The following CAPN7 variants were observed in gnomAD, a reference collection of about 807,000 sequenced individuals.
CAPN7 encodes calpain-7.
In CAPN7, 72 loss-of-function variants were observed where a neutral mutation model predicts 115.2. The observed-to-expected ratio is 0.63, with a 90% CI of 0.52 to 0.76. CAPN7 has a LOEUF of 0.76. Among genes scored for constraint, CAPN7 ranks in the 30% least tolerant of loss-of-function variants. CAPN7 has a pLI of 0.00. For missense variants in CAPN7, 905 were observed against 971.5 expected, an observed-to-expected ratio of 0.93 and a Z score of 0.91; for synonymous variants, 344 against 322.3, an observed-to-expected ratio of 1.07 and a Z score of -0.72.
intron 16 of CAPN7, among the ~76,000 whole-genome samples, chr3:15,244,263 T>C (rs1047303567): frequency 6.6e-6 from 1 of 152,212 alleles, no homozygotes; most frequent in African/African-American, 2.4e-5. Flanking sequence ...CGTTCTGGAA[T>C]GGGCATGGCA....
chr3:15,212,688 CAG>C (rs1477105895), intron 2 of CAPN7, among the ~76,000 whole-genome samples: 1 of 152,126 alleles, frequency 6.6e-6, no homozygotes, highest in East Asian at 1.9e-4. Context: ...GACATGTAAA[CAG>C]AGACTTGGAA....
At chr3:15,249,020 A>C (rs958183490) in intron 19 of CAPN7, among the ~76,000 whole-genome samples, 1 of 148,190 alleles carries the variant, frequency 6.7e-6, no homozygotes, top group Non-Finnish European at 1.5e-5. Context: ...AAAAAAAAAA[A>C]AAAACAAAAA....
chr3:15,212,562 G>C (rs2045017779), intron 2 of CAPN7, among the ~76,000 whole-genome samples: 2 of 152,170 alleles, frequency 1.3e-5, no homozygotes, highest in Admixed American at 1.3e-4. Context: ...AAAATTAAGT[G>C]ACTGTTCCTC....
intron 2 of CAPN7, among the ~76,000 whole-genome samples, chr3:15,214,270 T>C (rs1298563919): frequency 3.3e-5 from 5 of 152,194 alleles, no homozygotes; most frequent in African/African-American, 9.7e-5. Flanking sequence ...CTAGACAATT[T>C]AAAGGATTTT....
intron 2 of CAPN7, among the ~76,000 whole-genome samples, chr3:15,214,871 T>A: frequency 6.6e-6 from 1 of 152,166 alleles, no homozygotes; most frequent in South Asian, 2.1e-4. Context: ...CCAGGGGACA[T>A]TTGGCAATTT....
At chr3:15,233,372 A>G (rs770588663) in intron 10 of CAPN7, among the ~76,000 whole-genome samples, 1 of 152,198 alleles carries the variant, frequency 6.6e-6, no homozygotes, top group Non-Finnish European at 1.5e-5. Context: ...CAAAGAATAT[A>G]TAGGTCATAA....
At chr3:15,247,942 A>G (rs1015129359) in intron 19 of CAPN7, among the ~76,000 whole-genome samples, 1 of 151,796 alleles carries the variant, frequency 6.6e-6, no homozygotes, top group Non-Finnish European at 1.5e-5. Context: ...ACCAAACACC[A>G]CATATTCTCA....
At chr3:15,239,604 C>G (rs540098098) in intron 12 of CAPN7, among the ~76,000 whole-genome samples, 17 of 152,286 alleles carry the variant, frequency 1.1e-4, no homozygotes, top group African/African-American at 3.6e-4. Context: ...TAATGTAATA[C>G]AGATTGCTAG....
At chr3:15,246,654 T>A in intron 17 of CAPN7, 78 bp from the exon 18 acceptor site, 1 of 1,037,264 alleles carries the variant, frequency 9.6e-7, no homozygotes, top group East Asian at 2.4e-5. Flanking sequence ...ATTTTTTTAG[T>A]CTTCCAATAT....
At chr3:15,209,793 A>T (rs979059409) in intron 1 of CAPN7, among the ~76,000 whole-genome samples, 15 of 152,236 alleles carry the variant, frequency 9.9e-5, no homozygotes, top group African/African-American at 3.4e-4. Context: ...TGTTTCCTAT[A>T]GACTTACATA....
chr3:15,219,481 C>T (rs1352660777), intron 4 of CAPN7, among the ~76,000 whole-genome samples: 3 of 152,162 alleles, frequency 2.0e-5, no homozygotes, highest in African/African-American at 4.8e-5. Flanking sequence ...CACAAAGATA[C>T]GAGTCCTTGA....
At chr3:15,218,721 C>T (rs1693788391) in intron 4 of CAPN7, among the ~76,000 whole-genome samples, 181 bp downstream of exon 4, 1 of 152,220 alleles carries the variant, frequency 6.6e-6, no homozygotes, top group African/African-American at 2.4e-5. Context: ...CTGCTTTAAA[C>T]TCAAGAAATA....
intron 12 of CAPN7, 96 bp from the exon 13 acceptor site, chr3:15,240,377 A>C: frequency 1.8e-6 from 2 of 1,087,582 alleles, no homozygotes; most frequent in Non-Finnish European, 1.4e-6. Context: ...AGGGGAAAAG[A>C]ATTGATAAGT....
intron 16 of CAPN7, among the ~76,000 whole-genome samples, chr3:15,244,101 C>T (rs143588487): frequency 6.6e-6 from 1 of 152,086 alleles, no homozygotes; most frequent in African/African-American, 2.4e-5. Context: ...ACAGTTCTTG[C>T]AAGAAAGCTG....
At chr3:15,224,876 A>AT (rs904935779) in intron 6 of CAPN7, among the ~76,000 whole-genome samples, 17 of 152,120 alleles carry the variant, frequency 1.1e-4, no homozygotes, top group Non-Finnish European at 1.9e-4. Context: ...CAGTTAACAT[A>AT]TTTTTTTCAC....
At chr3:15,233,584 G>A (rs1694817859) in intron 10 of CAPN7, among the ~76,000 whole-genome samples, 1 of 152,180 alleles carries the variant, frequency 6.6e-6, no homozygotes. Context: ...TGACTGCATC[G>A]TTGAAGCAGT....
Position 15,215,490 on chromosome 3 carries a change from T to A in CAPN7, c.212-1935T>A, listed in dbSNP as rs549582472. On this transcript the variant is annotated intron_variant, in intron 2 of 20. Coordinates refer to ENST00000253693, the MANE Select transcript of CAPN7 (RefSeq NM_014296.3). Reference sequence around the variant, plus strand: ...AGAGAAACCTCTTACCCATTAGCAGTCAATCCCCATTCCTCCCTCCCCCTA... The same window carrying A: ...AGAGAAACCTCTTACCCATTAGCAGACAATCCCCATTCCTCCCTCCCCCTA... 4.3e-4 allele frequency among the ~76,000 whole-genome samples: 65 copies of A among 152,210 alleles called. 1 individual carries two copies. Among genetic ancestry groups the A allele is most frequent in the Non-Finnish European group, 7.9e-4 (54 of 68,040 alleles).
chr3:15,215,114 A>G (rs1327300647), intron 2 of CAPN7, among the ~76,000 whole-genome samples: 1 of 152,202 alleles, frequency 6.6e-6, no homozygotes, highest in African/African-American at 2.4e-5. Context: ...GGCATTTAAG[A>G]AGGCTAAAGT....
At chr3:15,215,283 A>G (rs1167007743) in intron 2 of CAPN7, among the ~76,000 whole-genome samples, 4 of 152,164 alleles carry the variant, frequency 2.6e-5, no homozygotes, top group Non-Finnish European at 4.4e-5. Context: ...AAAACCAAAA[A>G]CACGTAACTT....
Sources: allele counts gnomAD v4.1 joint callset (sites outside exome capture counted in the v4.1 genomes callset), GRCh38; gene constraint gnomAD v4.1.1; transcripts MANE v1.5; gene names NCBI Gene and HGNC (gene_info 2026-07-23, HGNC 2026-07-21).